ECM2: variants seen among roughly 807,000 people sequenced by gnomAD.
The protein encoded by ECM2 is extracellular matrix protein 2, female organ and adipocyte specific.
Under a neutral mutation model 67.5 loss-of-function variants are expected in ECM2, and 57 were observed. The observed-to-expected ratio is 0.84, with a 90% CI of 0.68 to 1.05. The LOEUF is 1.05. Among genes scored for constraint, ECM2 ranks in the 50% least tolerant of loss-of-function variants. The pLI, the probability that ECM2 is intolerant of heterozygous loss-of-function variation, is 0.00. For synonymous variants in ECM2, 258 were observed against 294.5 expected, an observed-to-expected ratio of 0.88 and a Z score of 1.27; for missense variants, 741 against 822.8, an observed-to-expected ratio of 0.90 and a Z score of 1.22.
At chr9:92,535,606 C>G (rs1429356362) in intron 1 of ECM2, among the ~76,000 whole-genome samples, 1 of 151,972 alleles carries the variant, frequency 6.6e-6, no homozygotes. Flanking sequence ...CTTCATTCAA[C>G]AGATTTAAAA....
chr9:92,558,540 G>T, the ECM2 span, among the ~76,000 whole-genome samples: 1 of 152,314 alleles, frequency 6.6e-6, no homozygotes, highest in Non-Finnish European at 1.5e-5. Flanking sequence ...TCTGGTGGAG[G>T]TGGCAGAGGG....
At chr9:92,525,710 G>T (rs1848353168) in intron 1 of ECM2, among the ~76,000 whole-genome samples, 1 of 151,978 alleles carries the variant, frequency 6.6e-6, no homozygotes, top group Non-Finnish European at 1.5e-5. Context: ...GCCCAACATG[G>T]TGAAACCCCA....
At chr9:92,556,528 A>C in the ECM2 span, among the ~76,000 whole-genome samples, 1 of 152,148 alleles carries the variant, frequency 6.6e-6, no homozygotes, top group African/African-American at 2.4e-5. Context: ...GTTAGGTGCA[A>C]ATATGTTTAG....
At chr9:92,496,625 A>G in intron 9 of ECM2, 142 bp from the exon 10 acceptor site, 2 of 1,026,516 alleles carry the variant, frequency 1.9e-6, no homozygotes, top group Non-Finnish European at 2.7e-6. Context: ...CAACTACGTC[A>G]GAGATTCAAA....
At chr9:92,509,038 G>T (rs1298751717) in intron 6 of ECM2, among the ~76,000 whole-genome samples, 1 of 151,694 alleles carries the variant, frequency 6.6e-6, no homozygotes, top group African/African-American at 2.4e-5. Context: ...ATGTGATAAA[G>T]CCTCTTCTAT....
At chr9:92,558,860 T>C in the ECM2 span, among the ~76,000 whole-genome samples, 9 of 152,024 alleles carry the variant, frequency 5.9e-5, no homozygotes, top group African/African-American at 1.9e-4. Flanking sequence ...GTTGTATACC[T>C]AGGAGGATTA....
chr9:92,555,380 C>G, the ECM2 span, among the ~76,000 whole-genome samples: 1 of 151,826 alleles, frequency 6.6e-6, no homozygotes, highest in Non-Finnish European at 1.5e-5. Flanking sequence ...ATGCATACCA[C>G]CATGTCTGGC....
the ECM2 span, among the ~76,000 whole-genome samples, chr9:92,546,319 C>A: frequency 5.9e-5 from 9 of 152,206 alleles, no homozygotes; most frequent in African/African-American, 2.2e-4. Flanking sequence ...CTAGCCCTGA[C>A]AACCCACCAG....
chr9:92,494,056 G>C (rs1259215681), downstream of ECM2: 3 of 1,595,312 alleles, frequency 1.9e-6, no homozygotes, highest in South Asian at 2.2e-5. Flanking sequence ...CTGCTTACTT[G>C]TCTGTTTGAT....
At chr9:92,541,679 T>C in the ECM2 span, among the ~76,000 whole-genome samples, 21 of 152,062 alleles carry the variant, frequency 1.4e-4, no homozygotes, top group African/African-American at 4.8e-4. Flanking sequence ...CATATATACA[T>C]TTTCTTTATT....
the ECM2 span, among the ~76,000 whole-genome samples, chr9:92,555,681 G>A: frequency 6.6e-6 from 1 of 152,054 alleles, no homozygotes; most frequent in African/African-American, 2.4e-5. Flanking sequence ...GTGTGTATAG[G>A]TGTTCATAGT....
chr9:92,544,776 C>T, the ECM2 span, among the ~76,000 whole-genome samples: 2 of 143,964 alleles, frequency 1.4e-5, no homozygotes, highest in East Asian at 2.2e-4. Flanking sequence ...TGTGCAGTGG[C>T]GCGATCTCAG....
the ECM2 span, among the ~76,000 whole-genome samples, chr9:92,549,614 T>G: frequency 6.9e-6 from 1 of 145,366 alleles, no homozygotes; most frequent in African/African-American, 2.6e-5. Context: ...GCCACTGCAC[T>G]CCAGCCTGAG....
the ECM2 span, among the ~76,000 whole-genome samples, chr9:92,556,723 T>A: frequency 6.6e-6 from 1 of 152,324 alleles, no homozygotes; most frequent in Non-Finnish European, 1.5e-5. Context: ...TGTATGTGAG[T>A]CCTTATGTGT....
chr9:92,522,509 C>T, intron 2 of ECM2, 66 bp downstream of exon 2: 1 of 1,422,082 alleles, frequency 7.0e-7, no homozygotes, highest in Non-Finnish European at 9.3e-7. Context: ...CTCTCTCCTT[C>T]TCTTTCCCCA....
At chr9:92,554,747 C>A in the ECM2 span, among the ~76,000 whole-genome samples, 1 of 152,180 alleles carries the variant, frequency 6.6e-6, no homozygotes, top group Non-Finnish European at 1.5e-5. Context: ...AAGCAAGTTT[C>A]CTGCCTCAGC....
At chr9:92,509,873 A>G (rs1433515148) in intron 6 of ECM2, 26 bp downstream of exon 6, 1 of 1,589,616 alleles carries the variant, frequency 6.3e-7, no homozygotes. Context: ...AAGGAAGCAT[A>G]TCATTGAAAA....
the ECM2 span, among the ~76,000 whole-genome samples, chr9:92,546,202 GGACCAATCAGCTCTCTGTAAAACA>G: frequency 2.6e-5 from 4 of 152,144 alleles, no homozygotes; most frequent in Non-Finnish European, 4.4e-5. Context: ...CTGTCAAAAC[GGACCAATCAGCTCTCTGTAAAACA>G]GACCAATCAG....
chr9:92,500,705 A>G (rs748708631), intron 9 of ECM2, 22 bp downstream of exon 9: 1 of 1,589,970 alleles, frequency 6.3e-7, no homozygotes, highest in Admixed American at 1.7e-5. Flanking sequence ...TTAAACAGAT[A>G]CTTGAAAAAG....
Sources: gnomAD v4.1 joint callset for allele counts (sites outside exome capture counted in the v4.1 genomes callset) on GRCh38, gnomAD v4.1.1 for gene constraint, MANE v1.5 for transcripts, NCBI Gene and HGNC (gene_info 2026-07-23, HGNC 2026-07-21) for gene names.